Variants in PARD3B observed in about 807,000 individuals in gnomAD.
The protein encoded by PARD3B is par-3 family cell polarity regulator beta.
A neutral mutation model predicts 130.2 loss-of-function variants in PARD3B; 103 were observed. The observed-to-expected ratio is 0.79, with a 90% CI of 0.67 to 0.93. PARD3B has a LOEUF of 0.93. Among genes scored for constraint, PARD3B ranks in the 40% least tolerant of loss-of-function variants. The pLI is 0.00. For missense variants in PARD3B, 1,609 were observed against 1,499.2 expected, an observed-to-expected ratio of 1.07 and a Z score of -1.21; for synonymous variants, 583 against 553.2, an observed-to-expected ratio of 1.05 and a Z score of -0.76.
At chr2:205,245,424 AT>A (rs1305675040) in intron 15 of PARD3B, among the ~76,000 whole-genome samples, 2 of 152,198 alleles carry the variant, frequency 1.3e-5, no homozygotes, top group African/African-American at 2.4e-5. Flanking sequence ...TATTGCTGTT[AT>A]GCTGAAAGAA....
At chr2:205,488,489 G>T (rs1412055333) in intron 20 of PARD3B, among the ~76,000 whole-genome samples, 1 of 152,130 alleles carries the variant, frequency 6.6e-6, no homozygotes, top group Non-Finnish European at 1.5e-5. Context: ...TGGCCTGGGG[G>T]TTGGTGACCT....
rs1019402946 is a variant in PARD3B, at chr2:205,104,461, G to T, written c.540G>T (p.Leu180Phe). The T allele has an allele frequency of 6.2e-7, 1 of 1,603,510 alleles. No homozygotes were observed. Among genetic ancestry groups the T allele is most frequent in the Non-Finnish European group, 8.5e-7 (1 of 1,170,526 alleles). The change falls in exon 5 of 23, where the codon TTG becomes TTT. Residue 180 changes from leucine (L) to phenylalanine (F), a missense_variant. Transcript: ENST00000406610. ...STQNLEDREV[L>F]NGVQTELLTS... ...AGAACTTGGAAGACAGAGAAGTTTT[G>T]AATGGTGTACAGACAGAACTACTAA...
rs552890538 is a variant in PARD3B at position 205,584,140 on chromosome 2, A to G, written c.3260+30737A>G. Reference sequence around the variant, plus strand: ...TAATTCTTTGTAGATCTGCACTCCAATATGGTAGCCGCAACAACATGGGGC... The same window carrying G: ...TAATTCTTTGTAGATCTGCACTCCAGTATGGTAGCCGCAACAACATGGGGC... On this transcript the variant is annotated intron_variant, in intron 22 of 22. Transcript: ENST00000406610. The surrounding 1 kb of genome is among the most constrained non-coding windows in gnomAD (Gnocchi z 5.5). Among the ~76,000 whole-genome samples the G allele has an allele frequency of 5.2e-4, 79 of 152,122 alleles. No individual in the cohort carries two copies. The South Asian group carries it at 7.9e-3, about 15-fold the overall frequency.
At chr2:205,089,167 C>CTT (rs370011164) in intron 4 of PARD3B, among the ~76,000 whole-genome samples, 7 of 120,150 alleles carry the variant, frequency 5.8e-5, no homozygotes, top group African/African-American at 2.2e-4. Flanking sequence ...TTCTTTTTTT[C>CTT]TTTTTTTGTT....
At chr2:204,758,756 G>C (rs1197097264) in intron 2 of PARD3B, among the ~76,000 whole-genome samples, 1 of 152,168 alleles carries the variant, frequency 6.6e-6, no homozygotes, top group Non-Finnish European at 1.5e-5. Flanking sequence ...TAGATGTGCA[G>C]TGAATAAAGG....
chr2:205,127,831 G>C (rs1559467050), intron 10 of PARD3B, among the ~76,000 whole-genome samples: 1 of 152,176 alleles, frequency 6.6e-6, no homozygotes, highest in African/African-American at 2.4e-5. Flanking sequence ...AATCCTGAAT[G>C]TCTGTCTCAT....
At chr2:204,996,903 C>T (rs992370236) in intron 3 of PARD3B, among the ~76,000 whole-genome samples, 6 of 151,384 alleles carry the variant, frequency 4.0e-5, no homozygotes, top group Admixed American at 2.0e-4. Context: ...ACCCCTTGCG[C>T]TTCCCAGGTG....
At chr2:205,264,135 G>A (rs1281095193) in intron 16 of PARD3B, among the ~76,000 whole-genome samples, 4 of 150,872 alleles carry the variant, frequency 2.7e-5, no homozygotes, top group African/African-American at 9.7e-5. Context: ...ATGAAGAAGG[G>A]TCAAGTTATG....
chr2:204,985,721 T>C (rs1693076133), intron 3 of PARD3B, among the ~76,000 whole-genome samples: 1 of 151,930 alleles, frequency 6.6e-6, no homozygotes, highest in African/African-American at 2.4e-5. Context: ...ACCAAGCTGG[T>C]TTCATATGGG....
At chr2:205,023,135 C>T (rs756436132) in intron 3 of PARD3B, among the ~76,000 whole-genome samples, 2 of 152,076 alleles carry the variant, frequency 1.3e-5, no homozygotes, top group South Asian at 2.1e-4. Flanking sequence ...CAGAGAGTGT[C>T]GGGGGGATTA....
chr2:205,260,948 C>T (rs111890961), intron 16 of PARD3B, among the ~76,000 whole-genome samples: 1 of 148,996 alleles, frequency 6.7e-6, no homozygotes, highest in East Asian at 2.1e-4. Flanking sequence ...CCATTGTGTC[C>T]CCTCCCAAGC....
intron 2 of PARD3B, among the ~76,000 whole-genome samples, chr2:204,922,830 A>T (rs1411874072): frequency 1.3e-5 from 2 of 152,134 alleles, no homozygotes; most frequent in East Asian, 3.8e-4. Context: ...CTCCTACCTG[A>T]CAAAAATCGT....
chr2:204,948,479 G>T (rs927477541), intron 2 of PARD3B, among the ~76,000 whole-genome samples: 1 of 152,142 alleles, frequency 6.6e-6, no homozygotes, highest in African/African-American at 2.4e-5. Context: ...ACTTACTTGA[G>T]ACTTCCGTTT....
intron 2 of PARD3B, among the ~76,000 whole-genome samples, chr2:204,868,411 T>A (rs1207057163): frequency 6.6e-6 from 1 of 152,168 alleles, no homozygotes; most frequent in African/African-American, 2.4e-5. Flanking sequence ...CCAGTACCCA[T>A]AAGTAGTGGA....
At position 205,530,794 on chromosome 2, in the gene PARD3B, T is replaced by C. The variant is rs2051557330; in HGVS notation, c.3181-22530T>C. On this transcript the variant is annotated intron_variant, in intron 21 of 22. Transcript: ENST00000406610. This position sits in a 1 kb window ranked among gnomAD's most constrained non-coding sequence, Gnocchi z 4.7. ...GGATTGGCCACACAGATACTCATGC[T>C]GGACGATTCAAGAAGATGAAATGGG... is the stretch of plus-strand genomic sequence containing the variant. Among the ~76,000 whole-genome samples, 1 of 152,216 alleles carries C rather than the reference T, an allele frequency of 6.6e-6. No individual in the cohort carries two copies. The highest frequency in any genetic ancestry group is 2.1e-4 in the South Asian group (1 of 4,832).
rs191489607 is a variant in PARD3B, at chr2:204,865,997, G to A, written c.223-99155G>A. Among the ~76,000 whole-genome samples the A allele has an allele frequency of 4.0e-4, 61 of 152,304 alleles. 1 individual carries two copies. The East Asian group carries it at 0.011, about 28-fold the overall frequency. Reference sequence around the variant, plus strand: ...AGGACAGATCCTGCCTGTGGCCAGAGCTAGCCTCCCAATCCACCTGCTTCC... The same window carrying A: ...AGGACAGATCCTGCCTGTGGCCAGAACTAGCCTCCCAATCCACCTGCTTCC... On this transcript the variant is annotated intron_variant, in intron 2 of 22. Transcript: ENST00000406610.
chr2:204,569,987 T>G (rs2031892087), intron 1 of PARD3B, among the ~76,000 whole-genome samples: 2 of 152,086 alleles, frequency 1.3e-5, no homozygotes, highest in African/African-American at 2.4e-5. Flanking sequence ...GCTGAGATTT[T>G]GTAAGTGTGT....
At chr2:204,970,282 T>A (rs1691592631) in intron 3 of PARD3B, among the ~76,000 whole-genome samples, 1 of 152,198 alleles carries the variant, frequency 6.6e-6, no homozygotes, top group African/African-American at 2.4e-5. Flanking sequence ...GACCCTGCAG[T>A]ATTTGATCTA....
At chr2:205,566,839 C>G (rs1208294139) in intron 22 of PARD3B, among the ~76,000 whole-genome samples, 1 of 152,230 alleles carries the variant, frequency 6.6e-6, no homozygotes, top group African/African-American at 2.4e-5. Context: ...GGGCATCCTT[C>G]TGTGGCTGTG....
Sources: allele counts gnomAD v4.1 joint callset (sites outside exome capture counted in the v4.1 genomes callset), GRCh38; gene constraint gnomAD v4.1.1; non-coding constraint Gnocchi (gnomAD v3.1); transcripts MANE v1.5; gene names NCBI Gene and HGNC (gene_info 2026-07-23, HGNC 2026-07-21).